The following LMO7 variants were observed in gnomAD, a reference collection of about 807,000 sequenced individuals.
LMO7 encodes the protein LIM domain 7.
LMO7 carries 120 observed loss-of-function variants against 206.5 expected under a neutral mutation model. That is an observed-to-expected ratio of 0.58 (90% CI 0.50 to 0.68). The LOEUF (loss-of-function observed/expected upper bound fraction) is 0.68. LMO7 is among the 30% of genes least tolerant of loss of function. LMO7 has a pLI of 0.00. For missense variants in LMO7, 1,959 were observed against 1,957.9 expected (o/e 1.00, Z -0.01); for synonymous variants, 706 against 681.5 (o/e 1.04, Z -0.56).
intron 1 of LMO7, among the ~76,000 whole-genome samples, chr13:75,685,785 G>T (rs1710535593): frequency 6.6e-6 from 1 of 151,762 alleles, no homozygotes; most frequent in Non-Finnish European, 1.5e-5. Context: ...TTATGTACAT[G>T]AAATGAGGGA....
chr13:75,647,857 C>G (rs1380637734), intron 1 of LMO7, among the ~76,000 whole-genome samples: 2 of 150,550 alleles, frequency 1.3e-5, no homozygotes, highest in Non-Finnish European at 3.0e-5. Flanking sequence ...TGGAGGCTTT[C>G]AAAAGGATTT....
At chr13:75,724,015 A>G (rs1419485087) in intron 2 of LMO7, among the ~76,000 whole-genome samples, 6 of 152,054 alleles carry the variant, frequency 3.9e-5, no homozygotes, top group African/African-American at 1.2e-4. Context: ...AGCCTCTTTT[A>G]TGAGGGACCT....
intron 15 of LMO7, among the ~76,000 whole-genome samples, chr13:75,827,544 T>G (rs1021842399): frequency 5.9e-5 from 9 of 152,218 alleles, no homozygotes; most frequent in South Asian, 2.1e-4. Flanking sequence ...CCCTTTCTTT[T>G]GTGGTTTTGC....
At position 75,853,221 on chromosome 13, in the gene LMO7, G is replaced by A. The variant is rs200736959; in HGVS notation, c.4494G>A (p.Leu1498=). The A allele has an allele frequency of 3.3e-5, 54 of 1,614,034 alleles. No individual in the cohort carries two copies. The East Asian group carries it at 1.2e-3, about 35-fold the overall frequency. ...ACTTTAGTCGCCCACCACCTCAGCT[G>A]GTGTCCACATCAAACCGTGCCTACA... ...VQDFSRPPPQ[L]VSTSNRAYMR... Residue 1498 remains leucine, a synonymous_variant, in exon 28 of 31, where the codon CTG becomes CTA. Coordinates refer to ENST00000377534, the MANE Select transcript of LMO7 (RefSeq NM_001306080.2).
At chr13:75,643,585 A>C (rs1290186878) in intron 1 of LMO7, among the ~76,000 whole-genome samples, 2 of 152,250 alleles carry the variant, frequency 1.3e-5, no homozygotes, top group Non-Finnish European at 1.5e-5. Context: ...TGAGGAAATG[A>C]GGAATTATGC....
At chr13:75,763,808 A>G (rs1465516238) in intron 4 of LMO7, among the ~76,000 whole-genome samples, 1 of 152,106 alleles carries the variant, frequency 6.6e-6, no homozygotes, top group African/African-American at 2.4e-5. Context: ...ATGGAGCCCA[A>G]GCAGAGTTGT....
At chr13:75,725,202 T>C (rs1647063929) in intron 2 of LMO7, among the ~76,000 whole-genome samples, 1 of 152,098 alleles carries the variant, frequency 6.6e-6, no homozygotes, top group African/African-American at 2.4e-5. Flanking sequence ...AAATGGTATG[T>C]GATATAAACA....
intron 1 of LMO7, among the ~76,000 whole-genome samples, chr13:75,667,537 G>C (rs181692207): frequency 5.9e-4 from 90 of 152,186 alleles, no homozygotes; most frequent in African/African-American, 1.6e-3. Flanking sequence ...CTCTTCAGCT[G>C]TTAGTCTTAT....
intron 3 of LMO7, among the ~76,000 whole-genome samples, chr13:75,734,494 T>C (rs1353990394): frequency 6.6e-6 from 1 of 152,190 alleles, no homozygotes; most frequent in Non-Finnish European, 1.5e-5. Context: ...AGCTTCTGTT[T>C]GACCATTCAT....
intron 4 of LMO7, among the ~76,000 whole-genome samples, chr13:75,762,337 G>T (rs945653336): frequency 8.5e-5 from 13 of 152,250 alleles, no homozygotes; most frequent in Admixed American, 7.2e-4. Flanking sequence ...AAATATTTGG[G>T]TGTATTTGTT....
At chr13:75,783,480 G>T (rs924311513) in intron 4 of LMO7, among the ~76,000 whole-genome samples, 1 of 151,984 alleles carries the variant, frequency 6.6e-6, no homozygotes, top group Non-Finnish European at 1.5e-5. Context: ...TCACCACCAT[G>T]CCCAGCTAAT....
intron 11 of LMO7, among the ~76,000 whole-genome samples, chr13:75,809,986 C>T (rs1188469426): frequency 6.6e-6 from 1 of 152,068 alleles, no homozygotes; most frequent in Non-Finnish European, 1.5e-5. Context: ...TGCATGCCAC[C>T]ACACTCTGCT....
At chr13:75,686,042 T>A (rs1336647480) in intron 1 of LMO7, among the ~76,000 whole-genome samples, 1 of 151,920 alleles carries the variant, frequency 6.6e-6, no homozygotes, top group Non-Finnish European at 1.5e-5. Flanking sequence ...TCCTGGCTAA[T>A]TTTTTGAAAA....
chr13:75,819,935 T>C (rs983098539), intron 13 of LMO7, among the ~76,000 whole-genome samples: 6 of 152,240 alleles, frequency 3.9e-5, no homozygotes, highest in African/African-American at 1.4e-4. Context: ...AAGTTCTTTT[T>C]CATGTTTAAT....
chr13:75,782,688 G>T (rs1212748747), intron 4 of LMO7, among the ~76,000 whole-genome samples: 1 of 152,204 alleles, frequency 6.6e-6, no homozygotes, highest in Non-Finnish European at 1.5e-5. Flanking sequence ...TGCAGCTCCA[G>T]GGGAGAATCC....
At chr13:75,783,051 CA>C (rs778356666) in intron 4 of LMO7, among the ~76,000 whole-genome samples, 53 of 152,124 alleles carry the variant, frequency 3.5e-4, no homozygotes, top group Non-Finnish European at 6.9e-4. Flanking sequence ...GGAGTAGGAA[CA>C]AAGAATTCAA....
intron 1 of LMO7, among the ~76,000 whole-genome samples, chr13:75,712,774 A>G (rs1278460818): frequency 2.0e-5 from 3 of 152,216 alleles, no homozygotes; most frequent in Non-Finnish European, 2.9e-5. Context: ...ATTGAAATTA[A>G]TGATAGTGTA....
At chr13:75,710,538 G>A (rs1476177336) in intron 1 of LMO7, among the ~76,000 whole-genome samples, 1 of 151,730 alleles carries the variant, frequency 6.6e-6, no homozygotes, top group Non-Finnish European at 1.5e-5. Context: ...GGATTCCTAG[G>A]TATTTTATTC....
intron 3 of LMO7, among the ~76,000 whole-genome samples, chr13:75,739,954 T>G (rs1288392695): frequency 6.6e-6 from 1 of 152,164 alleles, no homozygotes; most frequent in East Asian, 1.9e-4. Context: ...AGTACTTTTT[T>G]GGGGAAAAAG....
Sources: gnomAD v4.1 joint callset for allele counts (sites outside exome capture counted in the v4.1 genomes callset) on GRCh38, gnomAD v4.1.1 for gene constraint, MANE v1.5 for transcripts, NCBI Gene and HGNC (gene_info 2026-07-23, HGNC 2026-07-21) for gene names.